ZNF407: variants seen among roughly 807,000 people sequenced by gnomAD.
The protein encoded by ZNF407 is zinc finger protein 407.
In ZNF407, 17 loss-of-function variants were observed where a neutral mutation model predicts 131.2. The ratio of observed to expected loss-of-function variants is 0.13; its 90% CI spans 0.09 to 0.19. ZNF407 has a LOEUF of 0.19. ZNF407 is among the 10% of genes least tolerant of loss of function. ZNF407 has a pLI of 1.00. For synonymous variants in ZNF407, 1,156 were observed against 1,062.0 expected (o/e 1.09, Z -1.72); for missense variants, 2,681 against 2,830.6 (o/e 0.95, Z 1.20).
At chr18:74,819,289 C>T (rs1970308967) in intron 4 of ZNF407, among the ~76,000 whole-genome samples, 2 of 152,064 alleles carry the variant, frequency 1.3e-5, no homozygotes, top group African/African-American at 4.8e-5. Flanking sequence ...TTTGCCCTTC[C>T]CTACATAATT....
rs754662774 is a variant in ZNF407, at chr18:74,804,092, G to T, written c.4877+22590G>T. 6 of 1,548,078 alleles carry T rather than the reference G, an allele frequency of 3.9e-6. No homozygotes were observed. In the African/African-American group the frequency reaches 5.5e-5, roughly 14 times the overall value. On this transcript the variant is annotated intron_variant, in intron 4 of 8. Transcript: ENST00000299687. Reference sequence around the variant, plus strand: ...TAACTGATGGGACCTGCAGTGGGAGGATTGGCTGAGGACTTATTTTGGTTG... The same window carrying T: ...TAACTGATGGGACCTGCAGTGGGAGTATTGGCTGAGGACTTATTTTGGTTG...
At chr18:74,885,502 G>A (rs1224468686) in intron 6 of ZNF407, among the ~76,000 whole-genome samples, 5 of 152,082 alleles carry the variant, frequency 3.3e-5, no homozygotes, top group African/African-American at 9.7e-5. Context: ...AATTTATATG[G>A]AAATTCAAAG....
At chr18:74,623,157 CGTGT>C (rs36195417) in intron 1 of ZNF407, among the ~76,000 whole-genome samples, 16 of 150,564 alleles carry the variant, frequency 1.1e-4, no homozygotes, top group African/African-American at 3.2e-4. Context: ...TGTGTGAGTG[CGTGT>C]GTGTGTACGT....
intron 3 of ZNF407, among the ~76,000 whole-genome samples, chr18:74,696,451 A>C (rs1212876486): frequency 2.0e-5 from 3 of 152,162 alleles, no homozygotes; most frequent in African/African-American, 7.2e-5. Flanking sequence ...TAAGTGTTGA[A>C]AATATTACTT....
At chr18:74,792,452 A>G (rs1232036078) in intron 4 of ZNF407, among the ~76,000 whole-genome samples, 1 of 149,956 alleles carries the variant, frequency 6.7e-6, no homozygotes. Context: ...CAATATGGTT[A>G]TGCCATATAT....
intron 8 of ZNF407, among the ~76,000 whole-genome samples, chr18:75,027,251 G>C (rs1407355123): frequency 6.6e-6 from 1 of 152,210 alleles, no homozygotes; most frequent in Non-Finnish European, 1.5e-5. Flanking sequence ...AACCAGTGTG[G>C]CCAAAAGGAG....
In ZNF407 at chr18:74,737,683, A is replaced by T. The variant is rs72971329; in HGVS notation, c.4803-43745A>T. Reference sequence around the variant, plus strand: ...CAGAGGACCACAGATGCGTGTGTATATGCACATGTGTGTACACACATGCAT... The same window carrying T: ...CAGAGGACCACAGATGCGTGTGTATTTGCACATGTGTGTACACACATGCAT... On this transcript the variant is annotated intron_variant, in intron 3 of 8. Transcript: ENST00000299687. Among the ~76,000 whole-genome samples, 441 of 152,338 alleles carry T rather than the reference A, an allele frequency of 2.9e-3. 4 individuals are homozygous for T. Among genetic ancestry groups the T allele is most frequent in the Non-Finnish European group, 1.8e-3 (120 of 68,018 alleles).
chr18:74,755,221 C>T (rs1968901300), intron 3 of ZNF407, among the ~76,000 whole-genome samples: 2 of 151,996 alleles, frequency 1.3e-5, no homozygotes, highest in South Asian at 2.1e-4. Context: ...TTCCTCCATC[C>T]CTTTTTTTGA....
intron 4 of ZNF407, among the ~76,000 whole-genome samples, chr18:74,817,910 A>C (rs1443255519): frequency 2.0e-5 from 3 of 152,188 alleles, no homozygotes; most frequent in Admixed American, 2.0e-4. Flanking sequence ...TCTCAACCTG[A>C]GTGAGGTAGA....
At chr18:74,673,390 C>T (rs1288654339) in intron 3 of ZNF407, among the ~76,000 whole-genome samples, 1 of 152,212 alleles carries the variant, frequency 6.6e-6, no homozygotes, top group Non-Finnish European at 1.5e-5. Flanking sequence ...CGTTTGTGCT[C>T]ATTGGCTAGG....
At chr18:75,025,507 T>C (rs983279876) in intron 8 of ZNF407, among the ~76,000 whole-genome samples, 2 of 152,226 alleles carry the variant, frequency 1.3e-5, no homozygotes, top group Non-Finnish European at 2.9e-5. Context: ...TCCATGTTGA[T>C]TTTGGAGGAG....
At chr18:75,002,664 G>A (rs1161752283) in intron 8 of ZNF407, among the ~76,000 whole-genome samples, 2 of 152,102 alleles carry the variant, frequency 1.3e-5, no homozygotes, top group African/African-American at 4.8e-5. Context: ...AATTAACCGG[G>A]CGTGGTGACG....
chr18:74,916,629 AGTGT>A (rs111309427), intron 7 of ZNF407, among the ~76,000 whole-genome samples: 27 of 59,474 alleles, frequency 4.5e-4, no homozygotes, highest in East Asian at 1.0e-3. Flanking sequence ...TCGAATCGGG[AGTGT>A]GTGTGTGTGT....
intron 1 of ZNF407, among the ~76,000 whole-genome samples, chr18:74,598,859 G>C (rs1296608724): frequency 6.6e-6 from 1 of 152,242 alleles, no homozygotes; most frequent in Non-Finnish European, 1.5e-5. Flanking sequence ...TGTCGGTTGC[G>C]CTGGGTTTTG....
At chr18:74,916,341 A>AGTGTGTGT (rs369340222) in intron 7 of ZNF407, among the ~76,000 whole-genome samples, 1 of 35,882 alleles carries the variant, frequency 2.8e-5, no homozygotes, top group Non-Finnish European at 4.8e-5. Context: ...TCGAATCGGG[A>AGTGTGTGT]GTGTGTGTGT....
At chr18:75,045,633 G>A (rs563387143) in intron 8 of ZNF407, among the ~76,000 whole-genome samples, 70 of 152,232 alleles carry the variant, frequency 4.6e-4, no homozygotes, top group African/African-American at 1.6e-3. Flanking sequence ...CCAGAGTCTG[G>A]GGGCATCCAT....
In ZNF407 at chr18:74,990,821, G is replaced by A. The variant is rs1599282109; in HGVS notation, c.5428+70129G>A. 2.6e-5 allele frequency among the ~76,000 whole-genome samples: 4 copies of A among 152,310 alleles called. 1 individual carries two copies. The highest frequency in any genetic ancestry group is 2.6e-4 in the Admixed American group (4 of 15,308). On this transcript the variant is annotated intron_variant, in intron 8 of 8. Transcript: ENST00000299687. ...TTGCGAAATGTGAAATTGCCCTATG[G>A]ATGAACTGCAATCTGTTCTTTTGTG...
At chr18:74,742,427 G>A (rs868808093) in intron 3 of ZNF407, among the ~76,000 whole-genome samples, 1 of 152,104 alleles carries the variant, frequency 6.6e-6, no homozygotes, top group Non-Finnish European at 1.5e-5. Flanking sequence ...GACACATGAC[G>A]TTGCTGACTT....
intron 3 of ZNF407, among the ~76,000 whole-genome samples, chr18:74,714,852 C>G (rs902407732): frequency 6.6e-6 from 1 of 152,022 alleles, no homozygotes; most frequent in Non-Finnish European, 1.5e-5. Context: ...CATAAGGAGT[C>G]AAATAGGATG....
Sources: gnomAD v4.1 joint callset for allele counts (sites outside exome capture counted in the v4.1 genomes callset) on GRCh38, gnomAD v4.1.1 for gene constraint, MANE v1.5 for transcripts, NCBI Gene and HGNC (gene_info 2026-07-23, HGNC 2026-07-21) for gene names.